LAMA5: variants seen among roughly 807,000 people sequenced by gnomAD.
LAMA5 encodes laminin subunit alpha 5.
A neutral mutation model predicts 433.4 loss-of-function variants in LAMA5; 260 were observed. The observed-to-expected ratio is 0.60, with a 90% CI of 0.54 to 0.66. LAMA5 has a LOEUF of 0.66. LAMA5 is among the 30% of genes least tolerant of loss of function. LAMA5 has a pLI of 0.00. For synonymous variants in LAMA5, 2,620 were observed against 2,226.6 expected, an observed-to-expected ratio of 1.18 and a Z score of -4.97; for missense variants, 5,378 against 5,258.5, an observed-to-expected ratio of 1.02 and a Z score of -0.70.
In LAMA5 at chr20:62,310,024, A is replaced by C. The variant is rs767281831; in HGVS notation, c.10792T>G (p.Ser3598Ala). 13 of 1,611,384 alleles carry C rather than the reference A, an allele frequency of 8.1e-6. No homozygotes were observed. In the Admixed American group the frequency reaches 2.2e-4, roughly 27 times the overall value. Reference sequence around the variant, plus strand: ...TGCCACTGGCCATCACACAGCACTGAGGGGCGGGTCACTGACGTGGAGAAC... The same window carrying C: ...TGCCACTGGCCATCACACAGCACTGCGGGGCGGGTCACTGACGTGGAGAAC... ...GEFSTSVTRP[S>A]VLCDGQWHRL... Residue 3598 changes from serine to alanine, a missense_variant, in exon 78 of 80, where the codon TCA becomes GCA. Physicochemically the swap from Ser to Ala is moderately conservative, Grantham distance 99 (BLOSUM62 1). Coordinates refer to ENST00000252999, the MANE Select transcript of LAMA5 (RefSeq NM_005560.6).
rs899816581 is a variant in LAMA5, at chr20:62,334,195, T to C, written c.2730A>G (p.Ala910=). Residue 910 remains alanine, a synonymous_variant, in exon 22 of 80, where the codon GCA becomes GCG. Transcript: ENST00000252999. The part of the protein sequence containing the change: ...NFSWRGYAQM[A]PVQPRIVARL... ...GGAGCACAGCGCCCACCTGGACAGG[T>C]GCCATCTGCGCGTAGCCCCTCCAGC... is the stretch of plus-strand genomic sequence containing the variant. 1.2e-6 allele frequency: 2 copies of C among 1,612,514 alleles called. No homozygotes were observed. The highest frequency in any genetic ancestry group is 1.1e-5 in the South Asian group (1 of 91,058).
At chr20:62,314,969 A>C in intron 59 of LAMA5, 22 bp from the exon 60 acceptor site, 1 of 1,581,864 alleles carries the variant, frequency 6.3e-7, no homozygotes, top group Non-Finnish European at 8.6e-7. Flanking sequence ...GAGACCTGAG[A>C]CCTTTGCCCC....
At position 62,337,607 on chromosome 20, in the gene LAMA5, T is replaced by A. The variant is rs775234449; in HGVS notation, c.2147A>T (p.Asn716Ile). 2.2e-5 allele frequency: 35 copies of A among 1,609,638 alleles called. 1 individual carries two copies. In the African/African-American group the frequency reaches 3.6e-4, roughly 17 times the overall value. The change falls in exon 16 of 80, where the codon AAC (asparagine) becomes ATC (isoleucine). Residue 716 changes from asparagine to isoleucine, a missense_variant. Transcript: ENST00000252999. ...RCDTCVPGAYNFPYCEAGSCH... is the reference protein window; with the variant it reads ...RCDTCVPGAYIFPYCEAGSCH... ...CTGCTCACCTTCGCAGTAGGGGAAG[T>A]TGTAGGCACCGGGCACACATGTGTC...
At chr20:62,328,116 G>A in intron 35 of LAMA5, 106 bp from the exon 36 acceptor site, 5 of 1,535,660 alleles carry the variant, frequency 3.3e-6, no homozygotes, top group South Asian at 2.4e-5. Flanking sequence ...AGAAGTGGAG[G>A]AGAGGGCGCT....
intron 62 of LAMA5, 106 bp downstream of exon 62, chr20:62,314,198 G>T: frequency 2.9e-6 from 4 of 1,377,572 alleles, no homozygotes; most frequent in Non-Finnish European, 4.0e-6. Flanking sequence ...TGGCGAGTGG[G>T]CATGGAGAGG....
In LAMA5 at chr20:62,312,414, T is replaced by C. The variant is rs1466743474; in HGVS notation, c.9346A>G (p.Thr3116Ala). 32 of 1,597,762 alleles carry C rather than the reference T, an allele frequency of 2.0e-5. No individual in the cohort carries two copies. The highest frequency in any genetic ancestry group is 2.7e-5 in the Non-Finnish European group (32 of 1,179,334). The stretch of plus-strand genomic sequence containing the variant: ...GGGCTGCTCACCAGCAGGTCGGCGG[T>C]GCAGCCGGCGCTCACGCCTGTCGTG... Reference protein sequence around the residue: ...LNTTGVSAGCTADLLVGRAMT... With the variant: ...LNTTGVSAGCAADLLVGRAMT... The change falls in exon 68 of 80, where the codon ACC becomes GCC. Residue 3116 changes from threonine (T) to alanine (A), a missense_variant. Transcript: ENST00000252999.
intron 19 of LAMA5, 44 bp downstream of exon 19, chr20:62,335,173 C>A (rs911575054): frequency 6.2e-7 from 1 of 1,612,570 alleles, no homozygotes. Context: ...AGGGTCCTGA[C>A]CAGTGTGCCC....
intron 6 of LAMA5, among the ~76,000 whole-genome samples, chr20:62,350,467 T>C (rs1984120849): frequency 1.3e-5 from 2 of 152,152 alleles, no homozygotes; most frequent in Non-Finnish European, 2.9e-5. Context: ...TGCTCGGCAC[T>C]GGCCGTGAGA....
intron 21 of LAMA5, 71 bp downstream of exon 21, chr20:62,334,451 G>A: frequency 6.6e-7 from 1 of 1,516,420 alleles, no homozygotes; most frequent in Non-Finnish European, 8.9e-7. Flanking sequence ...CCATGGTGAG[G>A]GACACGGAGA....
rs760939472 is a variant in LAMA5 at position 62,327,640 on chromosome 20, C to T, written c.4827G>A (p.Gln1609=). 2.5e-6 allele frequency: 4 copies of T among 1,613,216 alleles called. No homozygotes were observed. The highest frequency in any genetic ancestry group is 3.4e-6 in the Non-Finnish European group (4 of 1,180,006). The part of the protein sequence containing the change: ...KENVQGPKCD[Q]CSLGTFSLDA... ...CCAGTGAGAAGGTCCCAAGGCTGCA[C>T]TGGTCACATTTGGGGCCCTGCACGT... Residue 1609 remains glutamine, a synonymous_variant, in exon 37 of 80, where the codon CAG becomes CAA. Transcript: ENST00000252999.
In LAMA5 at chr20:62,324,478, T is replaced by G; in HGVS notation, c.5606A>C (p.His1869Pro). Residue 1869 changes from histidine to proline, a missense_variant, in exon 42 of 80, where the codon CAC becomes CCC. His to Pro is a moderately conservative substitution (Grantham distance 77, BLOSUM62 -2). Coordinates refer to ENST00000252999, the MANE Select transcript of LAMA5 (RefSeq NM_005560.6). This position sits in a 1 kb window ranked among gnomAD's most constrained non-coding sequence, Gnocchi z 4.4. ...AGAGCCAGGGAGGCAGCGGTCTGAG[T>G]GTCCATGGCACTGACAAGGGACACA... ...GRCVPCQCHG[H>P]SDRCLPGSGV... 6.2e-7 allele frequency: 1 copy of G among 1,612,290 alleles called. No individual in the cohort carries two copies. The highest frequency in any genetic ancestry group is 8.5e-7 in the Non-Finnish European group (1 of 1,179,770).
At position 62,316,031 on chromosome 20, in the gene LAMA5, G is replaced by T; in HGVS notation, c.7784C>A (p.Thr2595Asn). Residue 2595 changes from threonine (T) to asparagine (N), a missense_variant, in exon 58 of 80, where the codon ACC (threonine) becomes AAC (asparagine). Thr to Asn is a moderately conservative substitution (Grantham distance 65). Coordinates refer to ENST00000252999, the MANE Select transcript of LAMA5 (RefSeq NM_005560.6). ...CTTGGCCCGGACATCTCGGAGCTGGGTCCTGGCACCCTGGAGGGCAGCCCA... is the reference window on the plus strand; with the variant it reads ...CTTGGCCCGGACATCTCGGAGCTGGTTCCTGGCACCCTGGAGGGCAGCCCA... ...LVWAALQGAR[T>N]QLRDVRAKKD... 6.2e-7 allele frequency: 1 copy of T among 1,609,342 alleles called. No individual in the cohort carries two copies.
chr20:62,314,971 CT>C, intron 59 of LAMA5, 24 bp from the exon 60 acceptor site: 1 of 1,581,500 alleles, frequency 6.3e-7, no homozygotes. Context: ...GACCTGAGAC[CT>C]TTGCCCCCCA....
chr20:62,315,826 T>C, intron 58 of LAMA5, 122 bp downstream of exon 58: 1 of 728,112 alleles, frequency 1.4e-6, no homozygotes, highest in Non-Finnish European at 2.3e-6. Context: ...TGGCCCCAGC[T>C]GCCCACTGTG....
chr20:62,319,546 C>A (rs921604121), intron 51 of LAMA5, 138 bp downstream of exon 51: 41 of 626,764 alleles, frequency 6.5e-5, no homozygotes, highest in Non-Finnish European at 1.1e-4. Context: ...CCCTACTGTT[C>A]ACTCCAGAGG....
At chr20:62,320,186 C>T (rs572266437) in intron 50 of LAMA5, among the ~76,000 whole-genome samples, 6 of 151,712 alleles carry the variant, frequency 4.0e-5, no homozygotes, top group Non-Finnish European at 7.4e-5. Context: ...GGCGTGGTGG[C>T]GTGTGCCTGT....
intron 45 of LAMA5, among the ~76,000 whole-genome samples, chr20:62,323,103 G>T (rs1489712046): frequency 7.3e-6 from 1 of 136,318 alleles, no homozygotes; most frequent in Admixed American, 7.4e-5. Context: ...CATGGGTTGG[G>T]GGGAGGGTCT....
intron 36 of LAMA5, 35 bp from the exon 37 acceptor site, chr20:62,327,704 G>A (rs1180717471): frequency 1.2e-6 from 2 of 1,603,150 alleles, no homozygotes; most frequent in Middle Eastern, 1.7e-4. Context: ...TGGTCGGCAG[G>A]TGCCAGGTGC....
chr20:62,328,573 C>A (rs1275359957), intron 34 of LAMA5, 128 bp from the exon 35 acceptor site: 7 of 1,022,508 alleles, frequency 6.8e-6, no homozygotes, highest in Non-Finnish European at 8.3e-6. Context: ...GGACCCCTGC[C>A]CCGGGTGCTG....
Sources: allele counts gnomAD v4.1 joint callset (sites outside exome capture counted in the v4.1 genomes callset), GRCh38; gene constraint gnomAD v4.1.1; non-coding constraint Gnocchi (gnomAD v3.1); transcripts MANE v1.5; gene names NCBI Gene and HGNC (gene_info 2026-07-23, HGNC 2026-07-21).